The following PDE1C variants were observed in gnomAD, a reference collection of about 807,000 sequenced individuals.
PDE1C encodes phosphodiesterase 1C.
PDE1C carries 62 observed loss-of-function variants against 93.1 expected under a neutral mutation model. The ratio of observed to expected loss-of-function variants is 0.67; its 90% CI spans 0.54 to 0.82. The LOEUF is 0.82. PDE1C is among the 40% of genes least tolerant of loss of function. The pLI, the probability that PDE1C is intolerant of heterozygous loss-of-function variation, is 0.00. For synonymous variants in PDE1C, 325 were observed against 310.1 expected (o/e 1.05, Z -0.50); for missense variants, 742 against 884.6 (o/e 0.84, Z 2.04).
At chr7:32,366,564 A>C (rs1784232602) in intron 1 of PDE1C, among the ~76,000 whole-genome samples, 1 of 152,234 alleles carries the variant, frequency 6.6e-6, no homozygotes, top group South Asian at 2.1e-4. Flanking sequence ...TAAGTCCAGG[A>C]AGATCAAAGA....
the PDE1C span, chr7:31,695,955 G>A: frequency 1.2e-5 from 2 of 171,974 alleles, no homozygotes; most frequent in African/African-American, 4.7e-5. Context: ...GTCACCACAA[G>A]CTTCCACAGT....
At chr7:31,630,285 T>C in the PDE1C span, among the ~76,000 whole-genome samples, 3 of 150,628 alleles carry the variant, frequency 2.0e-5, no homozygotes, top group Non-Finnish European at 4.4e-5. Context: ...ATCATATTAG[T>C]AATACTACCA....
intron 1 of PDE1C, among the ~76,000 whole-genome samples, chr7:32,211,658 A>C (rs1806042040): frequency 6.6e-6 from 1 of 152,138 alleles, no homozygotes; most frequent in African/African-American, 2.4e-5. Context: ...AGTTAGGTAT[A>C]GACATGAATT....
chr7:31,930,867 A>AAAAAT, intron 2 of PDE1C, among the ~76,000 whole-genome samples: 1 of 149,686 alleles, frequency 6.7e-6, no homozygotes, highest in Non-Finnish European at 1.5e-5. Context: ...AAAAAAAAAA[A>AAAAAT]AAAAAAAAAG....
chr7:32,022,133 G>A (rs1428456832), intron 2 of PDE1C, among the ~76,000 whole-genome samples: 2 of 150,926 alleles, frequency 1.3e-5, no homozygotes, highest in Admixed American at 6.6e-5. Flanking sequence ...TATTTAATGA[G>A]AGAAAAAAAT....
intron 2 of PDE1C, among the ~76,000 whole-genome samples, chr7:31,955,942 T>C (rs1483712245): frequency 6.6e-6 from 1 of 152,182 alleles, no homozygotes; most frequent in East Asian, 1.9e-4. Flanking sequence ...AGCTCTGATT[T>C]GAGCTGAATG....
At chr7:32,183,755 T>A (rs1190775724) in intron 2 of PDE1C, among the ~76,000 whole-genome samples, 4 of 152,038 alleles carry the variant, frequency 2.6e-5, no homozygotes, top group Non-Finnish European at 5.9e-5. Flanking sequence ...GGACTTCATG[T>A]CTAAAACACC....
In PDE1C at chr7:31,879,132, C is replaced by A. The variant is rs372706800; in HGVS notation, c.289G>T (p.Ala97Ser). 2 of 1,614,016 alleles carry A rather than the reference C, an allele frequency of 1.2e-6. No individual in the cohort carries two copies. The highest frequency in any genetic ancestry group is 2.7e-5 in the African/African-American group (2 of 74,936). Reference sequence around the variant, plus strand: ...CAGTCTCGGACCTCAGAAGGCACAGCATCTGACTGAATGTCACTGAGCTCA... The same window carrying A: ...CAGTCTCGGACCTCAGAAGGCACAGAATCTGACTGAATGTCACTGAGCTCA... Reference protein sequence around the residue: ...EDELSDIQSDAVPSEVRDWLA... With the variant: ...EDELSDIQSDSVPSEVRDWLA... Residue 97 changes from alanine to serine, a missense_variant, in exon 4 of 18, where the codon GCT becomes TCT. Transcript: ENST00000396191.
chr7:32,259,759 C>T (rs768153877), intron 1 of PDE1C, among the ~76,000 whole-genome samples: 86 of 152,260 alleles, frequency 5.6e-4, no homozygotes, highest in Non-Finnish European at 7.6e-4. Flanking sequence ...CCAAAATGGA[C>T]CCAATTAGTC....
chr7:31,692,753 G>C, the PDE1C span, among the ~76,000 whole-genome samples: 2 of 152,184 alleles, frequency 1.3e-5, no homozygotes, highest in Non-Finnish European at 2.9e-5. Context: ...CAGAGAGAGA[G>C]AAAGAGAGAG....
At chr7:31,827,070 C>A (rs1029126043) in intron 12 of PDE1C, among the ~76,000 whole-genome samples, 2 of 152,104 alleles carry the variant, frequency 1.3e-5, no homozygotes, top group African/African-American at 4.8e-5. Context: ...TTTAGATATG[C>A]CCTCATTTCC....
intron 2 of PDE1C, among the ~76,000 whole-genome samples, chr7:32,033,566 G>T (rs1056892455): frequency 1.3e-5 from 2 of 151,944 alleles, no homozygotes; most frequent in Non-Finnish European, 1.5e-5. Context: ...AGTGGTTCCC[G>T]AGCACAGTCA....
upstream of PDE1C, chr7:32,070,984 G>C (rs1016403683): frequency 2.0e-6 from 2 of 985,276 alleles, no homozygotes; most frequent in Admixed American, 6.2e-5. Context: ...CTTACCAGCA[G>C]CTCTGCTGAC....
chr7:32,411,933 C>T (rs1245038759), intron 1 of PDE1C, among the ~76,000 whole-genome samples: 1 of 151,274 alleles, frequency 6.6e-6, no homozygotes, highest in Non-Finnish European at 1.5e-5. Flanking sequence ...GAAACAAATA[C>T]ATTATCCTAG....
At chr7:32,241,303 C>T (rs76968547) in intron 1 of PDE1C, among the ~76,000 whole-genome samples, 2 of 152,312 alleles carry the variant, frequency 1.3e-5, no homozygotes, top group Admixed American at 6.5e-5. Flanking sequence ...TGACGCAGCA[C>T]AGCCAACCTA....
At chr7:31,617,345 A>C in the PDE1C span, among the ~76,000 whole-genome samples, 1 of 152,212 alleles carries the variant, frequency 6.6e-6, no homozygotes, top group Non-Finnish European at 1.5e-5. Flanking sequence ...ATAAGTGTTA[A>C]ATTTTAGATT....
intron 1 of PDE1C, among the ~76,000 whole-genome samples, chr7:32,233,579 C>G (rs984898116): frequency 6.6e-6 from 1 of 151,876 alleles, no homozygotes; most frequent in African/African-American, 2.4e-5. Flanking sequence ...GGAAAGCCAC[C>G]AGGGATAAAT....
At chr7:31,656,969 T>C in the PDE1C span, among the ~76,000 whole-genome samples, 1 of 149,090 alleles carries the variant, frequency 6.7e-6, no homozygotes, top group African/African-American at 2.5e-5. Context: ...CCACCCCCGA[T>C]TCTCAGGCCT....
chr7:32,186,079 G>GTTTTTT (rs1456318359), intron 2 of PDE1C, among the ~76,000 whole-genome samples: 1 of 90,818 alleles, frequency 1.1e-5, no homozygotes, highest in Non-Finnish European at 2.2e-5. Context: ...TCCCTAATTT[G>GTTTTTT]TTTTTTTGTT....
Sources: allele counts gnomAD v4.1 joint callset (sites outside exome capture counted in the v4.1 genomes callset), GRCh38; gene constraint gnomAD v4.1.1; transcripts MANE v1.5; gene names NCBI Gene and HGNC (gene_info 2026-07-23, HGNC 2026-07-21).